The following DAB2IP variants were observed in gnomAD, a reference collection of about 807,000 sequenced individuals.
DAB2IP encodes disabled homolog 2-interacting protein.
Under a neutral mutation model 107.2 loss-of-function variants are expected in DAB2IP, and 28 were observed. That is an observed-to-expected ratio of 0.26 (90% CI 0.19 to 0.36). The LOEUF is 0.36. Ranked by LOEUF, DAB2IP falls within the 10% of genes least tolerant of loss-of-function variation. DAB2IP has a pLI of 1.00. For synonymous variants in DAB2IP, 755 were observed against 706.4 expected (o/e 1.07, Z -1.09); for missense variants, 1,400 against 1,644.7 (o/e 0.85, Z 2.57).
chr9:121,622,815 C>A (rs1831518970), intron 1 of DAB2IP, among the ~76,000 whole-genome samples: 1 of 152,202 alleles, frequency 6.6e-6, no homozygotes, highest in African/African-American at 2.4e-5. Context: ...TATTTCACAG[C>A]CAGCTTGGGG....
At chr9:121,773,225 AGGC>A (rs760090358) in exon 12 of DAB2IP, 16 of 1,560,734 alleles carry the variant, frequency 1.0e-5, no homozygotes, top group Non-Finnish European at 1.4e-5. Flanking sequence ...TGACTGAAAA[AGGC>A]GGGCAGCCCA....
chr9:121,647,370 A>G (rs1047335429), upstream of DAB2IP, among the ~76,000 whole-genome samples: 1 of 152,162 alleles, frequency 6.6e-6, no homozygotes, highest in African/African-American at 2.4e-5. Flanking sequence ...TTTTGGCAAT[A>G]TGCTTTTTTT....
chr9:121,723,381 A>C (rs1831050592), intron 3 of DAB2IP, among the ~76,000 whole-genome samples: 1 of 152,240 alleles, frequency 6.6e-6, no homozygotes, highest in African/African-American at 2.4e-5. Context: ...AATCAGCTGC[A>C]GTCCCTGCCT....
At position 121,710,809 on chromosome 9, in the gene DAB2IP, C is replaced by A. The variant is rs79708103; in HGVS notation, c.362+11351C>A. 1.8e-3 allele frequency among the ~76,000 whole-genome samples: 272 copies of A among 152,310 alleles called. 1 individual carries two copies. Among genetic ancestry groups the A allele is most frequent in the Admixed American group, 3.9e-3 (59 of 15,300 alleles). ...AAGCTGGCGCTGAAATCCCCAGCCA[C>A]CCCAGGCAGTACTACAGCAGACTCA... is the stretch of plus-strand genomic sequence containing the variant. On this transcript the variant is annotated intron_variant, in intron 3 of 15. Transcript: ENST00000408936.
chr9:121,784,053 C>T (rs1835839795), exon 16 of DAB2IP: 1 of 177,466 alleles, frequency 5.6e-6, no homozygotes, highest in East Asian at 1.4e-4. Flanking sequence ...GGCCCAGAGC[C>T]ATACTGCGTC....
rs2118863025 is a variant in DAB2IP, at chr9:121,733,472, C to A, written c.363-23541C>A. On this transcript the variant is annotated intron_variant, in intron 3 of 15. Coordinates refer to ENST00000408936, the Ensembl canonical transcript of DAB2IP. ...AGCCTAGCCCAGTTGCTGAGGACAT[C>A]TTCAGATCTGAAAGAAGATAAGACA... Among the ~76,000 whole-genome samples the A allele has an allele frequency of 1.3e-5, 2 of 152,326 alleles. 1 individual carries two copies. Among genetic ancestry groups the A allele is most frequent in the Non-Finnish European group, 2.9e-5 (2 of 68,038 alleles).
At position 121,740,994 on chromosome 9, in the gene DAB2IP, G is replaced by T. The variant is rs572578806; in HGVS notation, c.363-16019G>T. 2.2e-4 allele frequency among the ~76,000 whole-genome samples: 34 copies of T among 152,252 alleles called. No individual in the cohort carries two copies. The South Asian group carries it at 7.1e-3, about 32-fold the overall frequency. ...GCCTCTTCTTACTGACTAATCCTGG[G>T]GGTGAGGTAGTAAGGGTGGAGGTTA... On this transcript the variant is annotated intron_variant, in intron 3 of 15. Coordinates refer to ENST00000408936, the Ensembl canonical transcript of DAB2IP.
chr9:121,770,916 G>A (rs1305319985), intron 11 of DAB2IP, among the ~76,000 whole-genome samples, 192 bp downstream of exon 11: 1 of 149,950 alleles, frequency 6.7e-6, no homozygotes, highest in Non-Finnish European at 1.5e-5. Context: ...CCTAGAGGAG[G>A]TGATGCTATA....
intron 3 of DAB2IP, among the ~76,000 whole-genome samples, chr9:121,708,393 C>G (rs559253240): frequency 6.6e-6 from 1 of 152,324 alleles, no homozygotes; most frequent in Admixed American, 6.5e-5. Context: ...TAAACCCTCT[C>G]CCTCCTCAGA....
intron 2 of DAB2IP, among the ~76,000 whole-genome samples, chr9:121,691,009 T>C (rs1243921340): frequency 1.3e-5 from 2 of 152,230 alleles, no homozygotes; most frequent in African/African-American, 4.8e-5. Context: ...CTGTCCCACC[T>C]TCAATGTTTC....
rs774072736 is a variant in DAB2IP, at chr9:121,702,931, C to T, written c.362+3473C>T. On this transcript the variant is annotated intron_variant, in intron 3 of 15. Coordinates refer to ENST00000408936, the Ensembl canonical transcript of DAB2IP. The surrounding 1 kb of genome is among the most constrained non-coding windows in gnomAD (Gnocchi z 4.5). ...AGTTACTCTAAAGTGTCTGTACCCC[C>T]ATCAAGCTCTTCCCAGTCATCCTGG... Among the ~76,000 whole-genome samples, 10 of 152,198 alleles carry T rather than the reference C, an allele frequency of 6.6e-5. No individual in the cohort carries two copies. The highest frequency in any genetic ancestry group is 1.5e-4 in the Non-Finnish European group (10 of 68,038).
chr9:121,634,208 C>T lies in DAB2IP; in HGVS notation c.41-44470C>T, dbSNP rs369812648. On this transcript the variant is annotated intron_variant, in intron 1 of 16. Transcript: ENST00000259371. This position sits in a 1 kb window ranked among gnomAD's most constrained non-coding sequence, Gnocchi z 4.7. ...CCTAGGAAGGGTCCCCTATGCACCCCGGGGTAGGAGCTGAATGGCCTGGCT... is the reference window on the plus strand; with the variant it reads ...CCTAGGAAGGGTCCCCTATGCACCCTGGGGTAGGAGCTGAATGGCCTGGCT... Among the ~76,000 whole-genome samples the T allele has an allele frequency of 1.6e-4, 25 of 152,264 alleles. No individual in the cohort carries two copies. Among genetic ancestry groups the T allele is most frequent in the South Asian group, 2.1e-4 (1 of 4,830 alleles).
rs147369669 is a variant in DAB2IP at position 121,573,195 on chromosome 9, A to G, written c.40+5967A>G. Among the ~76,000 whole-genome samples the G allele has an allele frequency of 3.8e-3, 562 of 148,936 alleles. 11 individuals carry two copies. The highest frequency in any genetic ancestry group is 0.011 in the African/African-American group (427 of 40,132). On this transcript the variant is annotated intron_variant, in intron 1 of 16. Transcript: ENST00000259371. The stretch of plus-strand genomic sequence containing the variant: ...GGGTTTAAGCGATTCTCCTGCCTCA[A>G]CCTCCCAAGTAGCTGGGATTACAGG...
rs1326117525 is a variant in DAB2IP, at chr9:121,701,150, C to T, written c.362+1692C>T. ...GTTTTGTGTGCATGTGGTGGTTGTC[C>T]GGGGAGCAGGAGAGACAACAGGCAG... On this transcript the variant is annotated intron_variant, in intron 3 of 15. Transcript: ENST00000408936. This position sits in a 1 kb window ranked among gnomAD's most constrained non-coding sequence, Gnocchi z 4.7. 6.6e-6 allele frequency among the ~76,000 whole-genome samples: 1 copy of T among 152,186 alleles called. No homozygotes were observed. The highest frequency in any genetic ancestry group is 1.5e-5 in the Non-Finnish European group (1 of 68,034).
rs2119046236 is a variant in DAB2IP, at chr9:121,782,320, A to G, written c.3403-11A>G. On this transcript the variant is annotated splice_polypyrimidine_tract_variant and intron_variant, in intron 15 of 15. Coordinates refer to ENST00000408936, the Ensembl canonical transcript of DAB2IP. This position sits in a 1 kb window ranked among gnomAD's most constrained non-coding sequence, Gnocchi z 6.1. ...TCCCATGACCCCCGCTCACATCCCCATTGTCCACAGGAGAAGCGCATTGCC... is the reference window on the plus strand; with the variant it reads ...TCCCATGACCCCCGCTCACATCCCCGTTGTCCACAGGAGAAGCGCATTGCC... The G allele has an allele frequency of 1.2e-6, 2 of 1,612,208 alleles. No individual in the cohort carries two copies. The highest frequency in any genetic ancestry group is 8.5e-7 in the Non-Finnish European group (1 of 1,178,766).
At chr9:121,739,221 A>G (rs937432508) in intron 3 of DAB2IP, among the ~76,000 whole-genome samples, 2 of 152,254 alleles carry the variant, frequency 1.3e-5, no homozygotes, top group Non-Finnish European at 2.9e-5. Context: ...GTTTGCTGTT[A>G]GAGTGTGCTG....
intron 1 of DAB2IP, among the ~76,000 whole-genome samples, chr9:121,639,580 C>G (rs1298161789): frequency 6.6e-6 from 1 of 152,094 alleles, no homozygotes; most frequent in Non-Finnish European, 1.5e-5. Context: ...CATGGGGAGC[C>G]TGCGGAGGGA....
At chr9:121,666,537 T>C (rs1377257327) in intron 1 of DAB2IP, among the ~76,000 whole-genome samples, 2 of 151,702 alleles carry the variant, frequency 1.3e-5, no homozygotes, top group Non-Finnish European at 2.9e-5. Context: ...AATGAGAACA[T>C]GTGGACACAG....
chr9:121,773,311 C>T (rs1381390696), exon 12 of DAB2IP: 40 of 1,514,222 alleles, frequency 2.6e-5, no homozygotes, highest in Non-Finnish European at 3.2e-5. Flanking sequence ...CCGCCGCCAC[C>T]TCCTGCCCCC....
Sources: allele counts gnomAD v4.1 joint callset (sites outside exome capture counted in the v4.1 genomes callset), GRCh38; gene constraint gnomAD v4.1.1; non-coding constraint Gnocchi (gnomAD v3.1); transcripts MANE v1.5; gene names NCBI Gene and HGNC (gene_info 2026-07-23, HGNC 2026-07-21).